The following CDC42BPA variants were observed in gnomAD, a reference collection of about 807,000 sequenced individuals.
The protein encoded by CDC42BPA is serine/threonine-protein kinase MRCK alpha.
CDC42BPA carries 80 observed loss-of-function variants against 223.5 expected under a neutral mutation model. The observed-to-expected ratio is 0.36, with a 90% CI of 0.30 to 0.43. The LOEUF is 0.43. CDC42BPA is among the 20% of genes least tolerant of loss of function. The pLI, the probability that CDC42BPA is intolerant of heterozygous loss-of-function variation, is 1.00. For missense variants in CDC42BPA, 1,743 were observed against 2,099.9 expected, an observed-to-expected ratio of 0.83 and a Z score of 3.32; for synonymous variants, 694 against 718.6, an observed-to-expected ratio of 0.97 and a Z score of 0.55.
At chr1:227,190,583 A>AT (rs1669547458) in intron 5 of CDC42BPA, among the ~76,000 whole-genome samples, 1 of 152,140 alleles carries the variant, frequency 6.6e-6, no homozygotes, top group African/African-American at 2.4e-5. Context: ...AACTTGTGGT[A>AT]TTTTAAGTTT....
At position 227,069,866 on chromosome 1, in the gene CDC42BPA, A is replaced by G. The variant is rs1164848049; in HGVS notation, c.2828-13T>C. The G allele has an allele frequency of 1.1e-5, 18 of 1,600,020 alleles. No individual in the cohort carries two copies. The highest frequency in any genetic ancestry group is 2.7e-5 in the African/African-American group (2 of 74,518). On this transcript the variant is annotated splice_polypyrimidine_tract_variant and intron_variant, in intron 20 of 36. Coordinates refer to ENST00000366766, the MANE Select transcript of CDC42BPA (RefSeq NM_001394014.1). Reference sequence around the variant, plus strand: ...TGGTGCTCTATACCTAGAAGACAGCAGCAACTTTTTTTAAGGCTACAACAA... The same window carrying G: ...TGGTGCTCTATACCTAGAAGACAGCGGCAACTTTTTTTAAGGCTACAACAA...
intron 11 of CDC42BPA, among the ~76,000 whole-genome samples, chr1:227,125,819 A>G (rs924055867): frequency 1.3e-5 from 2 of 152,132 alleles, no homozygotes; most frequent in Non-Finnish European, 2.9e-5. Context: ...GGATCCACAC[A>G]GTTCAAATCC....
chr1:227,119,223 T>C (rs543251462), intron 12 of CDC42BPA, among the ~76,000 whole-genome samples: 85 of 152,258 alleles, frequency 5.6e-4, no homozygotes, highest in Non-Finnish European at 1.1e-3. Flanking sequence ...AAGTGTTTTC[T>C]CTAGTGCTTG....
intron 1 of CDC42BPA, among the ~76,000 whole-genome samples, chr1:227,271,361 G>A (rs1480726760): frequency 6.6e-6 from 1 of 152,138 alleles, no homozygotes; most frequent in East Asian, 1.9e-4. Flanking sequence ...TTTGTGCACA[G>A]TAGAGGGATA....
chr1:227,197,407 T>C (rs1407495767), intron 4 of CDC42BPA, among the ~76,000 whole-genome samples: 2 of 152,172 alleles, frequency 1.3e-5, no homozygotes, highest in Non-Finnish European at 2.9e-5. Flanking sequence ...GAGATTTGAC[T>C]ACTAGAGTGT....
intron 3 of CDC42BPA, among the ~76,000 whole-genome samples, chr1:227,209,444 A>C (rs1344053592): frequency 1.4e-5 from 2 of 142,356 alleles, no homozygotes; most frequent in Non-Finnish European, 3.0e-5. Context: ...CAGTTTTCAA[A>C]GGGAATGCTT....
At chr1:227,066,640 G>C (rs1253519197) in intron 21 of CDC42BPA, among the ~76,000 whole-genome samples, 1 of 152,106 alleles carries the variant, frequency 6.6e-6, no homozygotes, top group Non-Finnish European at 1.5e-5. Flanking sequence ...TAAAATATTG[G>C]TGGTGGATAG....
intron 6 of CDC42BPA, among the ~76,000 whole-genome samples, chr1:227,153,706 C>A (rs1662209554): frequency 6.6e-6 from 1 of 151,882 alleles, no homozygotes; most frequent in Non-Finnish European, 1.5e-5. Context: ...GAAAGTCCAA[C>A]AGACCTATAA....
Position 227,195,240 on chromosome 1 carries a change from C to T in CDC42BPA, c.451-1306G>A, listed in dbSNP as rs1280537378. ...GACAGAGTCTTGCTCTGTCGCCAGG[C>T]TGGAGTGCAGTGGCGCAATCTTGGT... On this transcript the variant is annotated intron_variant, in intron 4 of 36. Coordinates refer to ENST00000366766, the MANE Select transcript of CDC42BPA (RefSeq NM_001394014.1). Among the ~76,000 whole-genome samples the T allele has an allele frequency of 2.0e-5, 3 of 152,176 alleles. No homozygotes were observed. In the East Asian group the frequency reaches 5.8e-4, roughly 29 times the overall value.
intron 5 of CDC42BPA, among the ~76,000 whole-genome samples, chr1:227,166,564 C>T (rs576533288): frequency 6.6e-6 from 1 of 152,258 alleles, no homozygotes; most frequent in East Asian, 1.9e-4. Flanking sequence ...TCTGAGGTTT[C>T]CTTTTTCCTT....
At chr1:227,112,243 C>G in intron 14 of CDC42BPA, 69 bp downstream of exon 14, 2 of 847,692 alleles carry the variant, frequency 2.4e-6, no homozygotes, top group Non-Finnish European at 1.9e-6. Context: ...AGTATACAAG[C>G]TAACACTCCT....
chr1:227,253,205 GAAGA>G (rs912582972), intron 2 of CDC42BPA, among the ~76,000 whole-genome samples: 1 of 152,030 alleles, frequency 6.6e-6, no homozygotes, highest in African/African-American at 2.4e-5. Context: ...GGAGACAAGA[GAAGA>G]GAGAGGAGAG....
intron 21 of CDC42BPA, among the ~76,000 whole-genome samples, chr1:227,062,133 G>A (rs1466059513): frequency 6.6e-6 from 1 of 152,160 alleles, no homozygotes; most frequent in Non-Finnish European, 1.5e-5. Flanking sequence ...CTTTGCCCAT[G>A]TCTTCATACT....
At chr1:227,244,494 T>G (rs1015249804) in intron 2 of CDC42BPA, among the ~76,000 whole-genome samples, 2 of 149,688 alleles carry the variant, frequency 1.3e-5, no homozygotes, top group African/African-American at 2.5e-5. Flanking sequence ...ATTCACATGG[T>G]GGGGGGGGGC....
chr1:227,106,711 A>T (rs1220327214), intron 14 of CDC42BPA, among the ~76,000 whole-genome samples: 1 of 152,196 alleles, frequency 6.6e-6, no homozygotes, highest in Non-Finnish European at 1.5e-5. Flanking sequence ...GTAAGATTTC[A>T]GTTGCTGATC....
chr1:227,064,915 G>A (rs539696404), intron 21 of CDC42BPA, among the ~76,000 whole-genome samples: 1 of 152,170 alleles, frequency 6.6e-6, no homozygotes, highest in Admixed American at 6.5e-5. Context: ...GGCTAACACG[G>A]TGAAACCCCA....
intron 31 of CDC42BPA, among the ~76,000 whole-genome samples, 178 bp downstream of exon 31, chr1:227,025,877 C>T (rs994242976): frequency 6.6e-6 from 1 of 152,028 alleles, no homozygotes; most frequent in Non-Finnish European, 1.5e-5. Context: ...TTTAGTGAGG[C>T]ATAAGGAAAT....
At chr1:227,131,362 G>T (rs1657072344) in intron 10 of CDC42BPA, among the ~76,000 whole-genome samples, 1 of 152,210 alleles carries the variant, frequency 6.6e-6, no homozygotes, top group Non-Finnish European at 1.5e-5. Flanking sequence ...TGTTGGTCAA[G>T]AATTAGGTAT....
chr1:227,276,636 G>A (rs1024146511), intron 1 of CDC42BPA, among the ~76,000 whole-genome samples: 1 of 152,234 alleles, frequency 6.6e-6, no homozygotes, highest in African/African-American at 2.4e-5. Flanking sequence ...TAATAGAAAG[G>A]GGGGAAATGT....
Sources: gnomAD v4.1 joint callset for allele counts (sites outside exome capture counted in the v4.1 genomes callset) on GRCh38, gnomAD v4.1.1 for gene constraint, MANE v1.5 for transcripts, NCBI Gene and HGNC (gene_info 2026-07-23, HGNC 2026-07-21) for gene names.